The following SHISAL2A variants were observed in gnomAD, a reference collection of about 807,000 sequenced individuals.
The protein encoded by SHISAL2A is protein shisa-like-2A.
SHISAL2A carries 18 observed loss-of-function variants against 11.5 expected under a neutral mutation model. The observed-to-expected ratio is 1.57, with a 90% CI of 1.08 to 2.33. The LOEUF (loss-of-function observed/expected upper bound fraction) is 2.33, where lower values mean the gene tolerates loss of function less well. Among genes scored for constraint, SHISAL2A ranks in the 30% most tolerant of loss-of-function variants. The pLI is 0.00. For missense variants in SHISAL2A, 261 were observed against 250.9 expected (o/e 1.04, Z -0.27); for synonymous variants, 94 against 99.6 (o/e 0.94, Z 0.34).
chr1:52,641,955 A>G (rs756090678), intron 1 of SHISAL2A, among the ~76,000 whole-genome samples: 4 of 151,460 alleles, frequency 2.6e-5, no homozygotes, highest in South Asian at 4.2e-4. Context: ...ATACAAAAAC[A>G]TAGCTGGGCG....
chr1:52,650,283 A>G (rs972872615), intron 2 of SHISAL2A, among the ~76,000 whole-genome samples: 3 of 152,232 alleles, frequency 2.0e-5, no homozygotes, highest in Non-Finnish European at 4.4e-5. Flanking sequence ...GCCCATGTTC[A>G]GGGTTGAGAA....
downstream of SHISAL2A, among the ~76,000 whole-genome samples, chr1:52,660,717 A>G (rs930794992): frequency 1.3e-5 from 2 of 152,204 alleles, no homozygotes; most frequent in African/African-American, 4.8e-5. Context: ...TGGAAACGTT[A>G]GAACATTCCA....
chr1:52,650,643 CTTTT>C (rs35001247), intron 2 of SHISAL2A, among the ~76,000 whole-genome samples: 4 of 108,108 alleles, frequency 3.7e-5, no homozygotes, highest in South Asian at 3.1e-4. Flanking sequence ...TTTTAAAACC[CTTTT>C]TTTTTTTTTT....
intron 2 of SHISAL2A, among the ~76,000 whole-genome samples, chr1:52,650,350 G>A (rs1041583261): frequency 3.9e-5 from 6 of 152,188 alleles, no homozygotes; most frequent in African/African-American, 1.2e-4. Context: ...GGAAGGCACA[G>A]CGCTGGGCAG....
intron 1 of SHISAL2A, among the ~76,000 whole-genome samples, chr1:52,637,803 T>A (rs1691270262): frequency 6.6e-6 from 1 of 152,194 alleles, no homozygotes; most frequent in Non-Finnish European, 1.5e-5. Flanking sequence ...CCAAAGCCCT[T>A]GGTTGTTAGA....
Position 52,656,852 on chromosome 1 carries a change from A to G in SHISAL2A, c.385A>G (p.Lys129Glu). The G allele has an allele frequency of 6.2e-7, 1 of 1,614,150 alleles. No individual in the cohort carries two copies. Among genetic ancestry groups the G allele is most frequent in the East Asian group, 2.2e-5 (1 of 44,888 alleles). ...VNTGMAAEVP[K>E]VSPLQQSYSC... ...CACAGGCATGGCGGCAGAAGTGCCA[A>G]AAGTGAGCCCTCTCCAGCAGAGTTA... Residue 129 changes from lysine (K) to glutamate (E), a missense_variant, in exon 3 of 3, where the codon AAA becomes GAA. Coordinates refer to ENST00000517870, the MANE Select transcript of SHISAL2A (RefSeq NM_001042693.3).
rs1419247796 is a variant in SHISAL2A at position 52,633,790 on chromosome 1, T to C, written c.182+115T>C. The C allele has an allele frequency of 3.2e-5, 26 of 816,074 alleles. No homozygotes were observed. Among genetic ancestry groups the C allele is most frequent in the Non-Finnish European group, 4.3e-5 (22 of 512,822 alleles). 50.6% of individuals were successfully genotyped at this position (816,074 alleles called of 1,614,324 possible). ...GAACATCAGCAGCAAGCTCTAGTCC[T>C]TACCGTCCTCATGCCCACAGCATCA... is the stretch of plus-strand genomic sequence containing the variant. On this transcript the variant is annotated intron_variant, in intron 1 of 2. Transcript: ENST00000517870. The surrounding 1 kb of genome is among the most constrained non-coding windows in gnomAD (Gnocchi z 6.4).
chr1:52,643,629 C>A (rs11205986), intron 2 of SHISAL2A, among the ~76,000 whole-genome samples: 2 of 151,908 alleles, frequency 1.3e-5, no homozygotes, highest in Admixed American at 6.6e-5. Context: ...CCGAGGCAGG[C>A]GGATCATGAG....
At chr1:52,667,298 T>TCC (rs1388768791) in intron 4 of SHISAL2A, 1 of 515,246 alleles carries the variant, frequency 1.9e-6, no homozygotes, top group Non-Finnish European at 2.5e-6. Context: ...CAGCACGAGT[T>TCC]CATTCCTCTT....
At chr1:52,658,728 C>T (rs1691847348), downstream of SHISAL2A, among the ~76,000 whole-genome samples, 1 of 152,260 alleles carries the variant, frequency 6.6e-6, no homozygotes, top group Non-Finnish European at 1.5e-5. Context: ...AGCCCTCCCT[C>T]CTGGCTGCTC....
In SHISAL2A at chr1:52,633,724, C is replaced by A. The variant is rs187078530; in HGVS notation, c.182+49C>A. ...ACCTTGAACCCCACTCCAGTCTCAG[C>A]GCCTTCACCCCAGCCTCAGCCCCCA... On this transcript the variant is annotated intron_variant, in intron 1 of 2. Transcript: ENST00000517870. The surrounding 1 kb of genome is among the most constrained non-coding windows in gnomAD (Gnocchi z 6.4). The A allele has an allele frequency of 6.0e-6, 9 of 1,492,950 alleles. No individual in the cohort carries two copies. Among genetic ancestry groups the A allele is most frequent in the Non-Finnish European group, 8.3e-6 (9 of 1,085,640 alleles). 92.5% of individuals were successfully genotyped at this position (1,492,950 alleles called of 1,614,324 possible).
At chr1:52,664,061 C>T (rs1691959525) in intron 4 of SHISAL2A, among the ~76,000 whole-genome samples, 1 of 152,162 alleles carries the variant, frequency 6.6e-6, no homozygotes, top group Non-Finnish European at 1.5e-5. Context: ...AGAATTTGAA[C>T]ACATTATACC....
At chr1:52,641,782 C>CT (rs1215805475) in intron 1 of SHISAL2A, among the ~76,000 whole-genome samples, 1 of 150,910 alleles carries the variant, frequency 6.6e-6, no homozygotes, top group Admixed American at 6.6e-5. Context: ...TCTCTATTTT[C>CT]TTTTTTTTAA....
At position 52,633,347 on chromosome 1, in the gene SHISAL2A, T is replaced by G; in HGVS notation, c.-147T>G. The G allele has an allele frequency of 1.6e-5, 12 of 732,986 alleles. No homozygotes were observed. Among genetic ancestry groups the G allele is most frequent in the Non-Finnish European group, 1.8e-5 (9 of 494,500 alleles). 45.4% of individuals were successfully genotyped at this position (732,986 alleles called of 1,614,324 possible). A position where few individuals can be genotyped will look rare whatever the true frequency, so the allele number is the denominator to read the frequency against. Reference sequence around the variant, plus strand: ...GTCCTCGGGGCCCCGCGCTGCTGTCTCTGTCTCGGCTTCTCTCGGCCCCTG... The same window carrying G: ...GTCCTCGGGGCCCCGCGCTGCTGTCGCTGTCTCGGCTTCTCTCGGCCCCTG... On this transcript the variant is annotated 5_prime_UTR_variant, in exon 1 of 3. Transcript: ENST00000517870. The surrounding 1 kb of genome is among the most constrained non-coding windows in gnomAD (Gnocchi z 6.4).
chr1:52,636,862 C>T (rs959850458), intron 1 of SHISAL2A, among the ~76,000 whole-genome samples: 21 of 152,234 alleles, frequency 1.4e-4, no homozygotes, highest in Admixed American at 1.4e-3. Flanking sequence ...CTGGATCTCT[C>T]TTAACAACCT....
At chr1:52,669,662 TC>T (rs1426469427) in exon 6 of SHISAL2A, 1 of 125,828 alleles carries the variant, frequency 7.9e-6, no homozygotes, top group Non-Finnish European at 1.6e-5. Flanking sequence ...CGAGACTCTG[TC>T]TCAAAAAAAA....
chr1:52,658,522 C>T (rs1162062716), downstream of SHISAL2A, among the ~76,000 whole-genome samples: 1 of 152,210 alleles, frequency 6.6e-6, no homozygotes, highest in African/African-American at 2.4e-5. Context: ...CCTCAGTCCT[C>T]TCATCTATAT....
At chr1:52,666,214 G>C (rs138574154) in intron 4 of SHISAL2A, among the ~76,000 whole-genome samples, 20 of 152,226 alleles carry the variant, frequency 1.3e-4, no homozygotes, top group African/African-American at 4.6e-4. Flanking sequence ...CACTTTGGAC[G>C]ACTGAGACGG....
chr1:52,639,797 A>AT (rs112314386), intron 1 of SHISAL2A, among the ~76,000 whole-genome samples: 12 of 150,666 alleles, frequency 8.0e-5, no homozygotes, highest in Middle Eastern at 3.2e-3. Context: ...ATCTGAAAAC[A>AT]TTTTTTTTTG....
Sources: gnomAD v4.1 joint callset for allele counts (sites outside exome capture counted in the v4.1 genomes callset) on GRCh38, gnomAD v4.1.1 for gene constraint, Gnocchi (gnomAD v3.1) non-coding constraint, MANE v1.5 for transcripts, NCBI Gene and HGNC (gene_info 2026-07-23, HGNC 2026-07-21) for gene names.